The following PTPRQ variants were observed in gnomAD, a reference collection of about 807,000 sequenced individuals.
The protein encoded by PTPRQ is protein tyrosine phosphatase receptor type Q.
Under a neutral mutation model 246.0 loss-of-function variants are expected in PTPRQ, and 199 were observed. The ratio of observed to expected loss-of-function variants is 0.81; its 90% confidence interval spans 0.72 to 0.91. PTPRQ has a LOEUF of 0.91. PTPRQ is among the 40% of genes least tolerant of loss of function. PTPRQ has a pLI of 0.00. For missense variants in PTPRQ, 2,624 were observed against 2,528.4 expected (o/e 1.04, Z -0.81); for synonymous variants, 869 against 853.2 (o/e 1.02, Z -0.32).
At chr12:80,601,524 C>T (rs1054290014) in intron 26 of PTPRQ, among the ~76,000 whole-genome samples, 1 of 151,800 alleles carries the variant, frequency 6.6e-6, no homozygotes, top group Non-Finnish European at 1.5e-5. Context: ...GCCAACTAAA[C>T]ATTTGGTTAT....
intron 6 of PTPRQ, chr12:80,462,030 T>C (rs767158321): frequency 7.1e-6 from 5 of 701,210 alleles, no homozygotes; most frequent in South Asian, 4.4e-5. Context: ...GTGCGTGCAG[T>C]GCGCCGTGAG....
chr12:80,548,371 C>A (rs1896370950), intron 24 of PTPRQ, among the ~76,000 whole-genome samples: 1 of 151,980 alleles, frequency 6.6e-6, no homozygotes, highest in Non-Finnish European at 1.5e-5. Flanking sequence ...TTATATGATT[C>A]TGAAAACAAG....
In PTPRQ at chr12:80,472,721, C is replaced by A. The variant is rs893290847; in HGVS notation, c.1186+470C>A. ...GAGTGGATGTATGATATAGATTTACCAGCATTTACTGAAATTATGAAAACA... is the reference window on the plus strand; with the variant it reads ...GAGTGGATGTATGATATAGATTTACAAGCATTTACTGAAATTATGAAAACA... On this transcript the variant is annotated intron_variant, in intron 8 of 44. Coordinates refer to ENST00000644991, the MANE Select transcript of PTPRQ (RefSeq NM_001145026.2). Among the ~76,000 whole-genome samples the A allele has an allele frequency of 2.0e-5, 3 of 152,140 alleles. No homozygotes were observed. In the East Asian group the frequency reaches 5.8e-4, roughly 29 times the overall value.
rs1354733227 is a variant in PTPRQ at position 80,503,343 on chromosome 12, A to G, written c.2273-2681A>G. Among the ~76,000 whole-genome samples the G allele has an allele frequency of 3.3e-5, 5 of 151,846 alleles. No homozygotes were observed. In the East Asian group the frequency reaches 9.7e-4, roughly 29 times the overall value. Reference sequence around the variant, plus strand: ...CAGATAGAAAGGATAGTGGAATTATATTGCTAAATCGAACTATGCATTGAA... The same window carrying G: ...CAGATAGAAAGGATAGTGGAATTATGTTGCTAAATCGAACTATGCATTGAA... On this transcript the variant is annotated intron_variant, in intron 14 of 44. Coordinates refer to ENST00000644991, the MANE Select transcript of PTPRQ (RefSeq NM_001145026.2).
At chr12:80,611,153 A>G (rs1226440843) in intron 28 of PTPRQ, among the ~76,000 whole-genome samples, 2 of 150,430 alleles carry the variant, frequency 1.3e-5, no homozygotes, top group East Asian at 3.9e-4. Flanking sequence ...AAATGTCAGA[A>G]TACATACAGA....
At chr12:80,586,073 T>C (rs1897607344) in intron 25 of PTPRQ, among the ~76,000 whole-genome samples, 1 of 152,056 alleles carries the variant, frequency 6.6e-6, no homozygotes, top group Admixed American at 6.6e-5. Context: ...CTCATCATTT[T>C]TTATGGATGC....
chr12:80,491,930 A>G (rs1446609546), intron 9 of PTPRQ, among the ~76,000 whole-genome samples: 1 of 151,924 alleles, frequency 6.6e-6, no homozygotes, highest in African/African-American at 2.4e-5. Context: ...TTATGAATTA[A>G]TATAAACTCT....
chr12:80,446,651 G>C (rs1389227054), intron 3 of PTPRQ, among the ~76,000 whole-genome samples: 1 of 151,810 alleles, frequency 6.6e-6, no homozygotes, highest in African/African-American at 2.4e-5. Flanking sequence ...TGTACTCATA[G>C]CTCCCACTTG....
At chr12:80,566,214 A>C (rs1279502229) in intron 25 of PTPRQ, among the ~76,000 whole-genome samples, 2 of 152,180 alleles carry the variant, frequency 1.3e-5, no homozygotes, top group Non-Finnish European at 2.9e-5. Context: ...ATGGTGGCTC[A>C]TGCCTGTAAT....
chr12:80,475,162 G>C (rs898186679), intron 8 of PTPRQ, among the ~76,000 whole-genome samples: 10 of 151,744 alleles, frequency 6.6e-5, no homozygotes, highest in Non-Finnish European at 1.5e-4. Flanking sequence ...AAATCATTTG[G>C]AATATATTTT....
chr12:80,515,651 C>T (rs1242963768), intron 17 of PTPRQ, among the ~76,000 whole-genome samples: 1 of 151,574 alleles, frequency 6.6e-6, no homozygotes, highest in Non-Finnish European at 1.5e-5. Flanking sequence ...CCAGGCTGGT[C>T]TTGAACTCCT....
chr12:80,562,101 C>A (rs1245269636), intron 25 of PTPRQ, among the ~76,000 whole-genome samples: 4 of 152,056 alleles, frequency 2.6e-5, no homozygotes, highest in Non-Finnish European at 5.9e-5. Context: ...ATTGAACCAG[C>A]CTTGGGATTC....
At chr12:80,629,168 A>G (rs1899322415) in intron 33 of PTPRQ, among the ~76,000 whole-genome samples, 1 of 146,166 alleles carries the variant, frequency 6.8e-6, no homozygotes, top group Non-Finnish European at 1.6e-5. Flanking sequence ...ACACACACAC[A>G]CACACAGAGA....
rs1376592276 is a variant in PTPRQ, at chr12:80,670,360, C to T, written c.6470C>T (p.Thr2157Ile). 10 of 1,550,686 alleles carry T rather than the reference C, an allele frequency of 6.4e-6. No homozygotes were observed. The highest frequency in any genetic ancestry group is 8.7e-6 in the Non-Finnish European group (10 of 1,146,456). ...LKIERHGDCM[T>I]VRQCNFTAWP... is the part of the protein sequence containing the mutation. Reference sequence around the variant, plus strand: ...TTTGTCTAGCATGGGGATTGCATGACTGTTCGACAGTGTAACTTTACTGCC... The same window carrying T: ...TTTGTCTAGCATGGGGATTGCATGATTGTTCGACAGTGTAACTTTACTGCC... Residue 2157 changes from threonine (T) to isoleucine (I), a missense_variant, in exon 42 of 45, where the codon ACT becomes ATT. Coordinates refer to ENST00000644991, the MANE Select transcript of PTPRQ (RefSeq NM_001145026.2).
At chr12:80,606,188 G>C (rs906344905) in intron 27 of PTPRQ, among the ~76,000 whole-genome samples, 1 of 150,958 alleles carries the variant, frequency 6.6e-6, no homozygotes, top group African/African-American at 2.4e-5. Flanking sequence ...AGTCCTCCAG[G>C]TCAATACACC....
chr12:80,646,337 A>C (rs2121213741), intron 35 of PTPRQ, among the ~76,000 whole-genome samples: 1 of 152,352 alleles, frequency 6.6e-6, no homozygotes, highest in African/African-American at 2.4e-5. Flanking sequence ...GTAATTGTTC[A>C]AGCAGGTATT....
In PTPRQ at chr12:80,539,946, T is replaced by A. The variant is rs1320909247; in HGVS notation, c.3154+2T>A. 6.8e-7 allele frequency: 1 copy of A among 1,473,966 alleles called. No individual in the cohort carries two copies. The highest frequency in any genetic ancestry group is 2.6e-5 in the Admixed American group (1 of 38,348). The allele number at this position is 1,473,966 out of a possible 1,614,324, so 91.3% of individuals were successfully genotyped here. ...TTGAAGTATACACAGATCAAGACAG[T>A]ATGTAAACAAAAAACACTAATCTTT... On this transcript the variant is annotated splice_donor_variant, in intron 20 of 44. Transcript: ENST00000644991. LOFTEE classifies it high-confidence loss of function.
At chr12:80,492,058 C>G (rs1314039256) in intron 9 of PTPRQ, among the ~76,000 whole-genome samples, 1 of 151,752 alleles carries the variant, frequency 6.6e-6, no homozygotes, top group African/African-American at 2.4e-5. Context: ...GATTTTTCAG[C>G]ATATTCTTTT....
chr12:80,494,689 C>T (rs1434980719), intron 10 of PTPRQ, among the ~76,000 whole-genome samples: 1 of 151,728 alleles, frequency 6.6e-6, no homozygotes, highest in Non-Finnish European at 1.5e-5. Context: ...ATATTATGAA[C>T]ACAAAATGTT....
Sources: allele counts gnomAD v4.1 joint callset (sites outside exome capture counted in the v4.1 genomes callset), GRCh38; gene constraint gnomAD v4.1.1; transcripts MANE v1.5; gene names NCBI Gene and HGNC (gene_info 2026-07-23, HGNC 2026-07-21).